The following PJA2 variants were observed in gnomAD, a reference collection of about 807,000 sequenced individuals.
PJA2 encodes praja ring finger ubiquitin ligase 2, also known as E3 ubiquitin-protein ligase Praja-2.
PJA2 carries 25 observed loss-of-function variants against 69.3 expected under a neutral mutation model. That is an observed-to-expected ratio of 0.36 (90% CI 0.26 to 0.50). The LOEUF is 0.50. Ranked by LOEUF, PJA2 falls within the 20% of genes least tolerant of loss-of-function variation. The probability of loss-of-function intolerance (pLI) is 0.96; values close to 1 mark genes in which losing one functional copy is unlikely to be tolerated. For missense variants in PJA2, 809 were observed against 830.2 expected (o/e 0.97, Z 0.31); for synonymous variants, 308 against 277.8 (o/e 1.11, Z -1.08).
chr5:109,337,470 A>C, intron 9 of PJA2, 114 bp from the exon 10 acceptor site: 3 of 1,201,590 alleles, frequency 2.5e-6, no homozygotes, highest in Non-Finnish European at 3.4e-6. Context: ...TAACAACAAA[A>C]AACAAACTTC....
At chr5:109,381,283 T>C (rs963413698) in intron 3 of PJA2, among the ~76,000 whole-genome samples, 1 of 152,162 alleles carries the variant, frequency 6.6e-6, no homozygotes, top group African/African-American at 2.4e-5. Flanking sequence ...GAGAGTGTGG[T>C]TATATTTTAA....
chr5:109,370,848 T>C (rs1269071844), intron 4 of PJA2, among the ~76,000 whole-genome samples: 1 of 151,788 alleles, frequency 6.6e-6, no homozygotes, highest in South Asian at 2.1e-4. Flanking sequence ...GCTCAGTTTT[T>C]AAAAAAAAAT....
At chr5:109,392,171 G>C (rs919034332) in intron 1 of PJA2, among the ~76,000 whole-genome samples, 2 of 152,118 alleles carry the variant, frequency 1.3e-5, no homozygotes, top group South Asian at 4.1e-4. Flanking sequence ...GGTACAAAGA[G>C]GTAACTCTTT....
At chr5:109,353,878 AGATTAGATGTCTAT>A (rs1762335146) in intron 7 of PJA2, among the ~76,000 whole-genome samples, 1 of 50,544 alleles carries the variant, frequency 2.0e-5, no homozygotes, top group African/African-American at 7.0e-5. Flanking sequence ...AGATATCTAT[AGATTAGATGTCTAT>A]GATATCTAGA....
At chr5:109,356,118 C>A in intron 6 of PJA2, 92 bp from the exon 7 acceptor site, 1 of 801,918 alleles carries the variant, frequency 1.2e-6, no homozygotes, top group Non-Finnish European at 2.0e-6. Flanking sequence ...TACTGACAAG[C>A]CGATAAACAT....
At chr5:109,401,094 C>T (rs1022486276) in intron 1 of PJA2, among the ~76,000 whole-genome samples, 2 of 152,202 alleles carry the variant, frequency 1.3e-5, no homozygotes, top group Admixed American at 6.5e-5. Flanking sequence ...GAGTTTGAGA[C>T]TAGCATGGCC....
chr5:109,378,086 G>T (rs771382703), intron 4 of PJA2, 118 bp downstream of exon 4: 4 of 686,204 alleles, frequency 5.8e-6, no homozygotes, highest in East Asian at 2.7e-5. Context: ...AAAATATTTG[G>T]TAAGTCAAAA....
At chr5:109,380,895 T>C in intron 3 of PJA2, among the ~76,000 whole-genome samples, 1 of 151,226 alleles carries the variant, frequency 6.6e-6, no homozygotes, top group Non-Finnish European at 1.5e-5. Context: ...GGTGGATCAC[T>C]TGAGAGGTCA....
At chr5:109,397,845 G>A (rs1747452751) in intron 1 of PJA2, among the ~76,000 whole-genome samples, 1 of 152,052 alleles carries the variant, frequency 6.6e-6, no homozygotes. Flanking sequence ...TAAACCACTA[G>A]GGAAGGGCAG....
chr5:109,368,651 G>A lies in PJA2; in HGVS notation c.1379C>T (p.Thr460Ile). ...DQSSSDESWE[T>I]LPGKDENEPE... is the part of the protein sequence containing the mutation. ...TTCATTCTCATCTTTTCCTGGCAGA[G>A]TCTCCCAGCTTTCATCACTTGAGGA... is the stretch of plus-strand genomic sequence containing the variant. The change falls in exon 5 of 10, where the codon ACT becomes ATT. Residue 460 changes from threonine (T) to isoleucine (I), a missense_variant. Coordinates refer to ENST00000361189, the MANE Select transcript of PJA2 (RefSeq NM_014819.5). 6.2e-7 allele frequency: 1 copy of A among 1,614,084 alleles called. No homozygotes were observed. Among genetic ancestry groups the A allele is most frequent in the Non-Finnish European group, 8.5e-7 (1 of 1,180,006 alleles).
intron 6 of PJA2, among the ~76,000 whole-genome samples, chr5:109,360,077 C>A (rs80323070): frequency 0.03 from 4,639 of 152,230 alleles, 93 homozygotes; most frequent in Middle Eastern, 0.048. Flanking sequence ...GATTTTTGTA[C>A]TATTTTTGCC....
At chr5:109,354,358 T>TGTG (rs1554053637) in intron 7 of PJA2, among the ~76,000 whole-genome samples, 3 of 112,690 alleles carry the variant, frequency 2.7e-5, no homozygotes, top group African/African-American at 3.9e-5. Flanking sequence ...ATTGGATATC[T>TGTG]ATATCTAGAG....
rs370424099 is a variant in PJA2, at chr5:109,368,701, T to C, written c.1329A>G (p.Arg443=). The change falls in exon 5 of 10, where the codon CGA becomes CGG. Residue 443 remains arginine (R), a synonymous_variant. Transcript: ENST00000361189. ...ATTGATCTTTTTCTGTACCAGAAAATCGATGAGGCAAAGAAGCAGACCATT... is the reference window on the plus strand; with the variant it reads ...ATTGATCTTTTTCTGTACCAGAAAACCGATGAGGCAAAGAAGCAGACCATT... ...DGEWSASLPH[R]FSGTEKDQSS... The C allele has an allele frequency of 3.8e-5, 62 of 1,613,776 alleles. No homozygotes were observed. The highest frequency in any genetic ancestry group is 4.8e-5 in the Non-Finnish European group (57 of 1,179,956).
At position 109,406,372 on chromosome 5, in the gene PJA2, C is replaced by CA. The variant is rs1747694310; in HGVS notation, c.-88+3469dup. On this transcript the variant is annotated intron_variant, in intron 1 of 9. Transcript: ENST00000361189. ...TGTTGTTTGTTTGTTTTTTAATGAG[C>CA]AAAAAATGTCAACAGATACTTCACA... is the stretch of plus-strand genomic sequence containing the variant. 2.6e-5 allele frequency among the ~76,000 whole-genome samples: 4 copies of CA among 151,948 alleles called. No individual in the cohort carries two copies. The South Asian group carries it at 8.3e-4, about 31-fold the overall frequency.
rs551445586 is a variant in PJA2 at position 109,379,673 on chromosome 5, C to T, written c.233-419G>A. On this transcript the variant is annotated intron_variant, in intron 3 of 9. Coordinates refer to ENST00000361189, the MANE Select transcript of PJA2 (RefSeq NM_014819.5). ...TAAAAACAACAACAAAACAAAAAAC[C>T]TTCAAAAGTACTTATGACAGATATA... Among the ~76,000 whole-genome samples, 112 of 152,234 alleles carry T rather than the reference C, an allele frequency of 7.4e-4. 1 individual carries two copies. The highest frequency in any genetic ancestry group is 2.5e-3 in the African/African-American group (103 of 41,544).
At chr5:109,363,194 A>T (rs1262876990) in intron 5 of PJA2, among the ~76,000 whole-genome samples, 172 bp from the exon 6 acceptor site, 1 of 152,220 alleles carries the variant, frequency 6.6e-6, no homozygotes, top group African/African-American at 2.4e-5. Context: ...AAAAGGAAAG[A>T]AATCAGTTAT....
chr5:109,388,015 G>A (rs899608828), intron 1 of PJA2, among the ~76,000 whole-genome samples: 1 of 152,174 alleles, frequency 6.6e-6, no homozygotes, highest in Non-Finnish European at 1.5e-5. Context: ...CTTCATTTAG[G>A]CAAGTTAATA....
intron 3 of PJA2, among the ~76,000 whole-genome samples, chr5:109,381,095 C>T (rs1237616178): frequency 6.8e-6 from 1 of 146,410 alleles, no homozygotes; most frequent in African/African-American, 2.5e-5. Flanking sequence ...TCCTGGGCAA[C>T]AGAACGTGAC....
At chr5:109,338,745 T>C (rs1357585456) in intron 9 of PJA2, among the ~76,000 whole-genome samples, 1 of 151,956 alleles carries the variant, frequency 6.6e-6, no homozygotes, top group Non-Finnish European at 1.5e-5. Flanking sequence ...TAGATGAGTG[T>C]GGTCTTGATG....
Sources: gnomAD v4.1 joint callset for allele counts (sites outside exome capture counted in the v4.1 genomes callset) on GRCh38, gnomAD v4.1.1 for gene constraint, MANE v1.5 for transcripts, NCBI Gene and HGNC (gene_info 2026-07-23, HGNC 2026-07-21) for gene names.